Variants in HHLA2 observed in about 807,000 individuals in gnomAD.
HHLA2 encodes HERV-H LTR-associating protein 2.
Under a neutral mutation model 45.9 loss-of-function variants are expected in HHLA2, and 48 were observed. The observed-to-expected ratio is 1.05, with a 90% CI of 0.83 to 1.33. HHLA2 has a LOEUF of 1.33. Among genes scored for constraint, HHLA2 ranks in the 40% most tolerant of loss-of-function variants. The pLI, the probability that HHLA2 is intolerant of heterozygous loss-of-function variation, is 0.00. For missense variants in HHLA2, 462 were observed against 494.3 expected, an observed-to-expected ratio of 0.93 and a Z score of 0.62; for synonymous variants, 161 against 173.9, an observed-to-expected ratio of 0.93 and a Z score of 0.59.
intron 2 of HHLA2, chr3:108,326,106 G>A (rs534657602): frequency 1.8e-4 from 44 of 247,664 alleles, no homozygotes; most frequent in African/African-American, 7.0e-4. Context: ...GATGGTCTTC[G>A]GTGTCTTTTT....
chr3:108,377,510 G>T, exon 11 of HHLA2: 1 of 505,564 alleles, frequency 2.0e-6, no homozygotes, highest in Non-Finnish European at 3.6e-6. Flanking sequence ...GGATGTTAAG[G>T]ATTCCAATTT....
chr3:108,321,091 TAAAAA>T (rs67374827), intron 2 of HHLA2, among the ~76,000 whole-genome samples: 28 of 101,426 alleles, frequency 2.8e-4, no homozygotes, highest in African/African-American at 9.4e-4. Flanking sequence ...TCCAGGTGTT[TAAAAA>T]AAAAAAAAAA....
In HHLA2 at chr3:108,307,431, C is replaced by T. The variant is rs373312583; in HGVS notation, c.-191-3224C>T. 1.6e-3 allele frequency among the ~76,000 whole-genome samples: 237 copies of T among 151,914 alleles called. 6 individuals are homozygous for T. The Middle Eastern group carries it at 0.054, about 35-fold the overall frequency. The stretch of plus-strand genomic sequence containing the variant: ...CGGGTGGATCATGAGGTAAGGAGTT[C>T]GAGACCAGCCTGGCCAACATGGTGA... On this transcript the variant is annotated intron_variant, in intron 1 of 10. Coordinates refer to ENST00000619531, the Ensembl canonical transcript of HHLA2.
chr3:108,318,932 C>A (rs1022172318), intron 2 of HHLA2, among the ~76,000 whole-genome samples: 1 of 152,166 alleles, frequency 6.6e-6, no homozygotes, highest in Non-Finnish European at 1.5e-5. Flanking sequence ...CATTTTGTAG[C>A]TATTTCCTTT....
intron 7 of HHLA2, among the ~76,000 whole-genome samples, chr3:108,360,828 C>T (rs1229396431): frequency 6.6e-6 from 1 of 152,138 alleles, no homozygotes; most frequent in Non-Finnish European, 1.5e-5. Flanking sequence ...AGGGATAAAG[C>T]GGACTCCTGC....
chr3:108,336,516 T>C (rs2081474676), intron 3 of HHLA2, among the ~76,000 whole-genome samples: 1 of 152,168 alleles, frequency 6.6e-6, no homozygotes, highest in African/African-American at 2.4e-5. Flanking sequence ...ACTGTGATTC[T>C]TCTAAATTGG....
chr3:108,322,492 C>A (rs1472675673), intron 2 of HHLA2, among the ~76,000 whole-genome samples: 1 of 152,114 alleles, frequency 6.6e-6, no homozygotes, highest in Non-Finnish European at 1.5e-5. Flanking sequence ...TCATGCCCAC[C>A]TCCTCTTTCC....
chr3:108,358,454 T>C (rs566157335), intron 7 of HHLA2, among the ~76,000 whole-genome samples: 2 of 152,302 alleles, frequency 1.3e-5, no homozygotes, highest in Non-Finnish European at 2.9e-5. Flanking sequence ...CTTCCATTTC[T>C]GCTCACTGCT....
intron 1 of HHLA2, among the ~76,000 whole-genome samples, chr3:108,304,655 T>C (rs2080900168): frequency 6.6e-6 from 1 of 152,208 alleles, no homozygotes; most frequent in African/African-American, 2.4e-5. Context: ...GAAAGGACTT[T>C]CAGGGCTTCA....
intron 9 of HHLA2, 58 bp downstream of exon 8, chr3:108,375,858 G>T: frequency 6.3e-7 from 1 of 1,587,348 alleles, no homozygotes; most frequent in Non-Finnish European, 8.6e-7. Flanking sequence ...GCAGTCAAAA[G>T]ATATCGGCAA....
chr3:108,299,484 G>A (rs185490895), intron 1 of HHLA2, among the ~76,000 whole-genome samples: 39 of 152,014 alleles, frequency 2.6e-4, no homozygotes, highest in African/African-American at 7.5e-4. Context: ...AGAAAGGTGA[G>A]GAGTAGTCAG....
At chr3:108,372,654 T>C (rs1463432129) in intron 8 of HHLA2, among the ~76,000 whole-genome samples, 7 of 152,112 alleles carry the variant, frequency 4.6e-5, no homozygotes, top group Non-Finnish European at 7.4e-5. Flanking sequence ...ATATCACCAC[T>C]GATCCCACAG....
At chr3:108,321,203 C>T (rs1410005294) in intron 2 of HHLA2, among the ~76,000 whole-genome samples, 1 of 151,690 alleles carries the variant, frequency 6.6e-6, no homozygotes, top group African/African-American at 2.4e-5. Flanking sequence ...CAGATTCCAG[C>T]TAGCATTTTG....
At chr3:108,357,929 A>C (rs1398366730) in exon 7 of HHLA2, 2 of 1,613,836 alleles carry the variant, frequency 1.2e-6, no homozygotes, top group East Asian at 4.5e-5. Flanking sequence ...AAGACTTCAA[A>C]GTTACTTGGT....
At chr3:108,325,575 T>C (rs982542396) in intron 2 of HHLA2, 1 of 258,794 alleles carries the variant, frequency 3.9e-6, no homozygotes, top group African/African-American at 2.3e-5. Flanking sequence ...GGCAAAGTAT[T>C]GGCCTCCCCC....
intron 8 of HHLA2, among the ~76,000 whole-genome samples, chr3:108,372,965 C>T (rs1576187077): frequency 6.8e-6 from 1 of 146,318 alleles, no homozygotes; most frequent in Non-Finnish European, 1.6e-5. Flanking sequence ...GGGAATCCTC[C>T]CTAACTCATT....
intron 8 of HHLA2, among the ~76,000 whole-genome samples, chr3:108,370,092 G>C (rs62266252): frequency 0.08 from 12,139 of 152,174 alleles, 667 homozygotes; most frequent in African/African-American, 0.16. Flanking sequence ...TCACACGGCC[G>C]GGTACTCCTC....
chr3:108,327,794 C>G (rs2081312018), intron 2 of HHLA2, among the ~76,000 whole-genome samples: 1 of 152,100 alleles, frequency 6.6e-6, no homozygotes, highest in Admixed American at 6.6e-5. Flanking sequence ...GTTTTCTTGT[C>G]TCTGAGTGCC....
exon 11 of HHLA2, chr3:108,377,355 C>A: frequency 1.9e-6 from 2 of 1,037,546 alleles, no homozygotes; most frequent in Non-Finnish European, 3.0e-6. Flanking sequence ...TTCTTCACCA[C>A]AATTCCAGGC....
Sources: allele counts gnomAD v4.1 joint callset (sites outside exome capture counted in the v4.1 genomes callset), GRCh38; gene constraint gnomAD v4.1.1; transcripts MANE v1.5; gene names NCBI Gene and HGNC (gene_info 2026-07-23, HGNC 2026-07-21).